Variants in HLCS observed in about 807,000 individuals in gnomAD.
The protein encoded by HLCS is biotin--protein ligase.
In HLCS, 53 loss-of-function variants were observed where a neutral mutation model predicts 75.0. The observed-to-expected ratio is 0.71, with a 90% confidence interval of 0.57 to 0.89. The LOEUF is 0.89. Ranked by LOEUF, HLCS falls within the 40% of genes least tolerant of loss-of-function variation. The probability of loss-of-function intolerance (pLI) is 0.00; values close to 1 mark genes in which losing one functional copy is unlikely to be tolerated. For synonymous variants in HLCS, 431 were observed against 428.6 expected, an observed-to-expected ratio of 1.01 and a Z score of -0.07; for missense variants, 966 against 1,074.0, an observed-to-expected ratio of 0.90 and a Z score of 1.41.
At chr21:36,840,365 A>T (rs1378275164) in intron 6 of HLCS, among the ~76,000 whole-genome samples, 1 of 152,162 alleles carries the variant, frequency 6.6e-6, no homozygotes, top group Non-Finnish European at 1.5e-5. Flanking sequence ...ATTGATGGGG[A>T]CTCCAAAAAT....
chr21:36,939,181 A>G (rs1384862094), intron 2 of HLCS, among the ~76,000 whole-genome samples, 187 bp from the exon 3 acceptor site: 1 of 152,204 alleles, frequency 6.6e-6, no homozygotes. Flanking sequence ...TCTCATCTCT[A>G]CCTGACAACA....
At chr21:36,844,158 A>G (rs959784273) in intron 6 of HLCS, among the ~76,000 whole-genome samples, 2 of 152,224 alleles carry the variant, frequency 1.3e-5, no homozygotes, top group Non-Finnish European at 2.9e-5. Context: ...TAGGGCACAG[A>G]AACTATAAAA....
chr21:36,898,579 G>C (rs2850117), intron 5 of HLCS, among the ~76,000 whole-genome samples: 1 of 152,084 alleles, frequency 6.6e-6, no homozygotes, highest in African/African-American at 2.4e-5. Flanking sequence ...TGGGGACACA[G>C]AGGTGGAGAG....
chr21:36,775,579 T>C (rs1177930022), intron 6 of HLCS, among the ~76,000 whole-genome samples: 1 of 152,256 alleles, frequency 6.6e-6, no homozygotes, highest in African/African-American at 2.4e-5. Flanking sequence ...GAGCCTTCAC[T>C]GCGCCACTGC....
chr21:36,794,058 C>T (rs536759584), intron 6 of HLCS, among the ~76,000 whole-genome samples: 13 of 152,338 alleles, frequency 8.5e-5, no homozygotes, highest in Admixed American at 3.3e-4. Flanking sequence ...GACTGGGTTA[C>T]GCTTGGCTCA....
intron 5 of HLCS, among the ~76,000 whole-genome samples, chr21:36,916,518 ATTTTT>A (rs57613865): frequency 2.2e-5 from 2 of 93,014 alleles, no homozygotes; most frequent in African/African-American, 7.5e-5. Flanking sequence ...TGCCTAGCTA[ATTTTT>A]TTTTTTTTTT....
chr21:36,758,359 C>T (rs2089687203), intron 9 of HLCS, among the ~76,000 whole-genome samples: 1 of 152,194 alleles, frequency 6.6e-6, no homozygotes. Context: ...CCACCCACCT[C>T]AGGCTCCTGA....
At chr21:36,795,743 T>G (rs1462545772) in intron 6 of HLCS, among the ~76,000 whole-genome samples, 1 of 152,234 alleles carries the variant, frequency 6.6e-6, no homozygotes, top group Non-Finnish European at 1.5e-5. Context: ...GTTTCCCTTT[T>G]GGAGGAACTG....
At chr21:36,797,446 G>C (rs1032208777) in intron 6 of HLCS, among the ~76,000 whole-genome samples, 2 of 151,536 alleles carry the variant, frequency 1.3e-5, no homozygotes, top group Non-Finnish European at 2.9e-5. Context: ...TCCTAGCTTT[G>C]CTTATGTTTG....
chr21:36,826,831 C>T (rs1045664635), intron 6 of HLCS, among the ~76,000 whole-genome samples: 1 of 152,102 alleles, frequency 6.6e-6, no homozygotes, highest in South Asian at 2.1e-4. Flanking sequence ...ATACTGCCTC[C>T]CAGTAAAAGT....
At chr21:36,785,184 T>C (rs761968885) in intron 6 of HLCS, among the ~76,000 whole-genome samples, 1 of 151,980 alleles carries the variant, frequency 6.6e-6, no homozygotes, top group Non-Finnish European at 1.5e-5. Flanking sequence ...CTCCCACCTC[T>C]CTTCAGAGCC....
intron 1 of HLCS, among the ~76,000 whole-genome samples, chr21:36,976,423 G>C (rs538638958): frequency 4.4e-5 from 4 of 90,290 alleles, no homozygotes; most frequent in Admixed American, 2.7e-4. Flanking sequence ...TACACACACA[G>C]AAAAATACAA....
chr21:36,962,199 A>G (rs1243638101), intron 1 of HLCS, 29 bp from the exon 2 acceptor site: 1 of 1,264,268 alleles, frequency 7.9e-7, no homozygotes, highest in Non-Finnish European at 1.0e-6. Context: ...ATATAATGAG[A>G]TTGTCACTTC....
intron 6 of HLCS, among the ~76,000 whole-genome samples, chr21:36,771,753 C>A (rs1215425419): frequency 6.6e-6 from 1 of 152,166 alleles, no homozygotes; most frequent in Non-Finnish European, 1.5e-5. Context: ...AATCCCAGCA[C>A]TTTGGGAGGC....
intron 6 of HLCS, among the ~76,000 whole-genome samples, chr21:36,796,659 G>C (rs897318338): frequency 6.6e-6 from 1 of 152,030 alleles, no homozygotes; most frequent in African/African-American, 2.4e-5. Context: ...AAACATTATC[G>C]GGGCCACTAA....
intron 1 of HLCS, among the ~76,000 whole-genome samples, chr21:36,978,198 TA>T (rs2068995644): frequency 6.6e-6 from 1 of 152,160 alleles, no homozygotes; most frequent in Non-Finnish European, 1.5e-5. Context: ...CATTAATTTA[TA>T]AAACTAAGAA....
chr21:36,755,689 T>C (rs2089539446), intron 10 of HLCS, among the ~76,000 whole-genome samples: 2 of 152,248 alleles, frequency 1.3e-5, no homozygotes, highest in African/African-American at 4.8e-5. Context: ...CACCTTCTTT[T>C]GGTCTAATTG....
intron 6 of HLCS, among the ~76,000 whole-genome samples, chr21:36,801,073 G>A (rs555929249): frequency 6.6e-6 from 1 of 152,268 alleles, no homozygotes; most frequent in South Asian, 2.1e-4. Flanking sequence ...GATGCCTGAG[G>A]CTGATGACAT....
chr21:36,784,149 T>C (rs1371659242), intron 6 of HLCS, among the ~76,000 whole-genome samples: 2 of 152,106 alleles, frequency 1.3e-5, no homozygotes, highest in Non-Finnish European at 2.9e-5. Context: ...CCAAGTAGTC[T>C]CATTTTACTG....
Sources: gnomAD v4.1 joint callset for allele counts (sites outside exome capture counted in the v4.1 genomes callset) on GRCh38, gnomAD v4.1.1 for gene constraint, MANE v1.5 for transcripts, NCBI Gene and HGNC (gene_info 2026-07-23, HGNC 2026-07-21) for gene names.